Variants in R3HCC1L observed in about 807,000 individuals in gnomAD.
R3HCC1L encodes R3H domain and coiled-coil containing 1 like.
Under a neutral mutation model 59.9 loss-of-function variants are expected in R3HCC1L, and 51 were observed. That is an observed-to-expected ratio of 0.85 (90% confidence interval 0.68 to 1.07). The LOEUF (loss-of-function observed/expected upper bound fraction) is 1.07. Among genes scored for constraint, R3HCC1L ranks in the 50% least tolerant of loss-of-function variants. The probability of loss-of-function intolerance (pLI) is 0.00; values close to 1 mark genes in which losing one functional copy is unlikely to be tolerated. For synonymous variants in R3HCC1L, 322 were observed against 315.2 expected (o/e 1.02, Z -0.23); for missense variants, 965 against 933.0 (o/e 1.03, Z -0.45).
At chr10:98,158,064 T>G (rs557191217) in intron 2 of R3HCC1L, among the ~76,000 whole-genome samples, 2 of 152,336 alleles carry the variant, frequency 1.3e-5, no homozygotes, top group African/African-American at 4.8e-5. Context: ...TACGTCTGTA[T>G]TGTAAGAAAA....
intron 4 of R3HCC1L, among the ~76,000 whole-genome samples, chr10:98,205,586 A>G (rs772393714): frequency 1.3e-5 from 2 of 152,224 alleles, no homozygotes; most frequent in Non-Finnish European, 2.9e-5. Context: ...TACAAAGGAC[A>G]CTTGGAAAGC....
intron 1 of R3HCC1L, among the ~76,000 whole-genome samples, chr10:98,153,336 T>C (rs1447602458): frequency 6.6e-6 from 1 of 152,132 alleles, no homozygotes; most frequent in African/African-American, 2.4e-5. Flanking sequence ...CTCTGAAACA[T>C]GTGCTGTGTC....
chr10:98,166,361 C>T (rs1847946344), intron 4 of R3HCC1L, among the ~76,000 whole-genome samples: 1 of 152,186 alleles, frequency 6.6e-6, no homozygotes, highest in Non-Finnish European at 1.5e-5. Flanking sequence ...GTTTTTAAGC[C>T]ACCCAGTCTG....
At chr10:98,161,373 C>A (rs1847400449) in intron 2 of R3HCC1L, among the ~76,000 whole-genome samples, 1 of 151,976 alleles carries the variant, frequency 6.6e-6, no homozygotes, top group Non-Finnish European at 1.5e-5. Context: ...TGGTCCCCTC[C>A]CCTTTCTCAG....
At chr10:98,158,019 T>C (rs755329452) in intron 2 of R3HCC1L, among the ~76,000 whole-genome samples, 29 of 152,198 alleles carry the variant, frequency 1.9e-4, no homozygotes, top group Admixed American at 6.5e-4. Flanking sequence ...TCCTTTAATT[T>C]CTAAAAATCA....
chr10:98,237,042 CCT>C (rs1185391346), intron 9 of R3HCC1L, among the ~76,000 whole-genome samples: 6 of 152,214 alleles, frequency 3.9e-5, no homozygotes, highest in Non-Finnish European at 8.8e-5. Flanking sequence ...TACGTCCTGT[CCT>C]CTCTGCTTTA....
At chr10:98,195,764 A>T (rs7342068) in intron 4 of R3HCC1L, among the ~76,000 whole-genome samples, 182 of 152,326 alleles carry the variant, frequency 1.2e-3, no homozygotes, top group African/African-American at 4.1e-3. Flanking sequence ...AAGAAAAATA[A>T]CTTTGTATCT....
intron 4 of R3HCC1L, among the ~76,000 whole-genome samples, chr10:98,204,870 T>C (rs1345237568): frequency 1.3e-5 from 2 of 152,176 alleles, no homozygotes; most frequent in Admixed American, 1.3e-4. Context: ...GTACTATCCA[T>C]GGTCCAGGCA....
At chr10:98,237,040 G>C (rs1444182319) in intron 9 of R3HCC1L, among the ~76,000 whole-genome samples, 1 of 152,160 alleles carries the variant, frequency 6.6e-6, no homozygotes, top group Non-Finnish European at 1.5e-5. Flanking sequence ...AATACGTCCT[G>C]TCCTCTCTGC....
chr10:98,154,534 A>G (rs1163667969), intron 1 of R3HCC1L, among the ~76,000 whole-genome samples: 2 of 152,196 alleles, frequency 1.3e-5, no homozygotes, highest in Non-Finnish European at 2.9e-5. Context: ...GTAGCATTAT[A>G]GATTTTGGAT....
In R3HCC1L at chr10:98,208,569, C is replaced by T. The variant is rs1853040094; in HGVS notation, c.455C>T (p.Thr152Ile). 1 of 1,614,008 alleles carries T rather than the reference C, an allele frequency of 6.2e-7. No homozygotes were observed. Among genetic ancestry groups the T allele is most frequent in the Non-Finnish European group, 8.5e-7 (1 of 1,180,032 alleles). ...AAGGTGGAGTGTTTGGAAGTTGAAA[C>T]TACGGATGTGACAGGACATGAGAGG... ...PKKVECLEVE[T>I]TDVTGHERIL... Residue 152 changes from threonine to isoleucine, a missense_variant, in exon 5 of 10, where the codon ACT becomes ATT. Thr to Ile is a moderately conservative substitution (Grantham distance 89). Coordinates refer to ENST00000298999, the MANE Select transcript of R3HCC1L (RefSeq NM_001351015.2).
rs1305235731 is a variant in R3HCC1L, at chr10:98,209,511, T to C, written c.1397T>C (p.Leu466Ser). Reference protein sequence around the residue: ...TESTGKLIESLSDCASSLPIK... With the variant: ...TESTGKLIESSSDCASSLPIK... The stretch of plus-strand genomic sequence containing the variant: ...TCAACAGGAAAGTTGATAGAGAGCT[T>C]GTCAGATTGTGCTTCCTCCTTACCT... The change falls in exon 5 of 10, where the codon TTG (leucine) becomes TCG (serine). Residue 466 changes from leucine to serine, a missense_variant. By Grantham distance (145) the Leu-to-Ser change is moderately radical (BLOSUM62 -2). Transcript: ENST00000298999. 1 of 1,613,820 alleles carries C rather than the reference T, an allele frequency of 6.2e-7. No homozygotes were observed. The highest frequency in any genetic ancestry group is 1.1e-5 in the South Asian group (1 of 91,068).
intron 1 of R3HCC1L, among the ~76,000 whole-genome samples, chr10:98,147,414 A>G (rs1219573767): frequency 1.3e-5 from 2 of 152,002 alleles, no homozygotes; most frequent in African/African-American, 4.8e-5. Context: ...TTGTAGCTTG[A>G]TGTAGTCCCA....
intron 5 of R3HCC1L, chr10:98,211,159 G>A (rs1190138442): frequency 1.8e-6 from 1 of 561,442 alleles, no homozygotes; most frequent in Non-Finnish European, 3.2e-6. Context: ...ATGTACGTAT[G>A]TGTGTTTTTT....
At chr10:98,220,265 T>G (rs1030868666) in intron 5 of R3HCC1L, among the ~76,000 whole-genome samples, 2 of 152,130 alleles carry the variant, frequency 1.3e-5, no homozygotes, top group Non-Finnish European at 2.9e-5. Context: ...GGTCATGAAT[T>G]GTTTGTCTGA....
chr10:98,138,633 T>G (rs1429928054), intron 1 of R3HCC1L, among the ~76,000 whole-genome samples: 1 of 152,220 alleles, frequency 6.6e-6, no homozygotes, highest in Non-Finnish European at 1.5e-5. Context: ...TGAGTATGTA[T>G]AGTGGATGCT....
At chr10:98,164,477 A>G (rs1847745916) in intron 4 of R3HCC1L, among the ~76,000 whole-genome samples, 1 of 152,194 alleles carries the variant, frequency 6.6e-6, no homozygotes, top group Non-Finnish European at 1.5e-5. Context: ...TTCATTGTGG[A>G]TGACTGAAAA....
At chr10:98,239,088 C>T (rs1182915598) in intron 9 of R3HCC1L, among the ~76,000 whole-genome samples, 1 of 152,132 alleles carries the variant, frequency 6.6e-6, no homozygotes, top group Non-Finnish European at 1.5e-5. Flanking sequence ...TGGTTTCCAG[C>T]AAAGCGAAAG....
intron 2 of R3HCC1L, among the ~76,000 whole-genome samples, chr10:98,160,502 C>T (rs1847308061): frequency 6.6e-6 from 1 of 152,100 alleles, no homozygotes; most frequent in Admixed American, 6.5e-5. Flanking sequence ...ACATATGTGG[C>T]TCCATTATAT....
Sources: gnomAD v4.1 joint callset for allele counts (sites outside exome capture counted in the v4.1 genomes callset) on GRCh38, gnomAD v4.1.1 for gene constraint, MANE v1.5 for transcripts, NCBI Gene and HGNC (gene_info 2026-07-23, HGNC 2026-07-21) for gene names.